SESN3: variants seen among roughly 807,000 people sequenced by gnomAD.
The protein encoded by SESN3 is sestrin 3, also known as sestrin-3.
Under a neutral mutation model 55.3 loss-of-function variants are expected in SESN3, and 21 were observed. The ratio of observed to expected loss-of-function variants is 0.38; its 90% CI spans 0.27 to 0.55. The LOEUF (loss-of-function observed/expected upper bound fraction) is 0.55. Ranked by LOEUF, SESN3 falls within the 20% of genes least tolerant of loss-of-function variation. The pLI, the probability that SESN3 is intolerant of heterozygous loss-of-function variation, is 0.76. For missense variants in SESN3, 408 were observed against 604.3 expected (o/e 0.68, Z 3.41); for synonymous variants, 181 against 203.1 (o/e 0.89, Z 0.93).
At position 95,230,844 on chromosome 11, in the gene SESN3, C is replaced by T. The variant is rs761423928; in HGVS notation, c.17G>A (p.Gly6Asp). Residue 6 changes from glycine to aspartate, a missense_variant, in exon 1 of 10, where the codon GGC becomes GAC. Gly to Asp is a moderately conservative substitution (Grantham distance 94, BLOSUM62 -1). Coordinates refer to ENST00000536441, the MANE Select transcript of SESN3 (RefSeq NM_144665.4). The surrounding 1 kb of genome is among the most constrained non-coding windows in gnomAD (Gnocchi z 4.6). ...GTAGTTGGCGGCGGCCGACGGGCTG[C>T]CGCCGCCCCGGTTCATCGTGGCTGC... MNRGG[G>D]SPSAAANYLL... 3 of 1,581,182 alleles carry T rather than the reference C, an allele frequency of 1.9e-6. No homozygotes were observed. The highest frequency in any genetic ancestry group is 4.8e-5 in the East Asian group (2 of 41,310).
intron 1 of SESN3, among the ~76,000 whole-genome samples, chr11:95,198,731 TAGCCACATGTCAAGTGTTTAAC>T (rs976259065): frequency 5.9e-5 from 9 of 152,194 alleles, no homozygotes; most frequent in African/African-American, 2.2e-4. Context: ...TCAATTGTAC[TAGCCACATGTCAAGTGTTTAAC>T]AGCCACATGT....
chr11:95,176,526 T>C lies in SESN3; in HGVS notation c.1248-884A>G, dbSNP rs575665459. The stretch of plus-strand genomic sequence containing the variant: ...AGAAATGGGATTTTGTGCATAAGTG[T>C]ATAGGAACATAGACAGTAATGACAG... On this transcript the variant is annotated intron_variant, in intron 8 of 9. Transcript: ENST00000536441. Among the ~76,000 whole-genome samples the C allele has an allele frequency of 5.3e-5, 8 of 152,226 alleles. No individual in the cohort carries two copies. In the South Asian group the frequency reaches 1.7e-3, roughly 32 times the overall value.
At chr11:95,210,392 T>C (rs1860632535) in intron 1 of SESN3, among the ~76,000 whole-genome samples, 1 of 152,162 alleles carries the variant, frequency 6.6e-6, no homozygotes, top group Non-Finnish European at 1.5e-5. Context: ...GCACTCTACC[T>C]TGAAAAAGAA....
At chr11:95,201,990 T>C (rs1405146065) in intron 1 of SESN3, among the ~76,000 whole-genome samples, 3 of 152,046 alleles carry the variant, frequency 2.0e-5, no homozygotes, top group Non-Finnish European at 4.4e-5. Flanking sequence ...ATGCTATCCA[T>C]ACTTCCCTTA....
intron 1 of SESN3, among the ~76,000 whole-genome samples, chr11:95,198,822 G>T (rs1264852140): frequency 2.6e-5 from 4 of 152,130 alleles, no homozygotes; most frequent in Non-Finnish European, 5.9e-5. Context: ...ATTGCCAAAA[G>T]TTCTATGGTA....
Position 95,209,447 on chromosome 11 carries a change from G to A in SESN3, c.79-15925C>T, listed in dbSNP as rs1161766647. On this transcript the variant is annotated intron_variant, in intron 1 of 9. Coordinates refer to ENST00000536441, the MANE Select transcript of SESN3 (RefSeq NM_144665.4). ...AAAATAGGAATGCTTTTACACTGTT[G>A]GTGGGAGTGTAAATTAGTTCATCTA... 8.6e-5 allele frequency among the ~76,000 whole-genome samples: 13 copies of A among 151,626 alleles called. 2 individuals are homozygous for A. The South Asian group carries it at 2.8e-3, about 32-fold the overall frequency.
At position 95,166,760 on chromosome 11, in the gene SESN3, A is replaced by G. The variant is rs1331503516; in HGVS notation, c.*6495T>C. On this transcript the variant is annotated 3_prime_UTR_variant, in exon 10 of 10. Transcript: ENST00000536441. ...ATGTGCCTATACTAGTAGCACTGAG[A>G]AGATGCCAAACTGGCTGTGGTTTGC... is the stretch of plus-strand genomic sequence containing the variant. The G allele has an allele frequency of 2.0e-5, 3 of 152,204 alleles. No individual in the cohort carries two copies. Among genetic ancestry groups the G allele is most frequent in the African/African-American group, 4.8e-5 (2 of 41,444 alleles). The allele number at this position is 152,204 out of a possible 1,614,324, so 9.4% of individuals were successfully genotyped here. A position where few individuals can be genotyped will look rare whatever the true frequency, so the allele number is the denominator to read the frequency against.
intron 1 of SESN3, among the ~76,000 whole-genome samples, chr11:95,197,417 CTCT>C (rs1450992649): frequency 1.3e-5 from 2 of 150,880 alleles, no homozygotes; most frequent in African/African-American, 4.9e-5. Context: ...CTGGGCAACT[CTCT>C]TCTTTTTGGG....
At chr11:95,198,345 CAAAA>C (rs199529391) in intron 1 of SESN3, among the ~76,000 whole-genome samples, 4 of 126,258 alleles carry the variant, frequency 3.2e-5, no homozygotes, top group Non-Finnish European at 1.7e-5. Context: ...TCCTCAATGT[CAAAA>C]AAAAAAAAAA....
intron 1 of SESN3, chr11:95,203,776 G>A (rs1156672892): frequency 6.6e-6 from 1 of 152,180 alleles, no homozygotes; most frequent in Non-Finnish European, 1.5e-5. Context: ...CCTCTTTATA[G>A]TCTTAAAAAT....
intron 1 of SESN3, among the ~76,000 whole-genome samples, chr11:95,224,689 T>C (rs1758919870): frequency 6.6e-6 from 1 of 152,210 alleles, no homozygotes; most frequent in Admixed American, 6.5e-5. Flanking sequence ...TGGTGACAGA[T>C]ACATATTTTC....
rs140288706 is a variant in SESN3, at chr11:95,226,458, T to C, written c.78+4325A>G. Among the ~76,000 whole-genome samples the C allele has an allele frequency of 2.9e-3, 440 of 152,312 alleles. 4 individuals carry two copies. Among genetic ancestry groups the C allele is most frequent in the African/African-American group, 9.8e-3 (407 of 41,570 alleles). On this transcript the variant is annotated intron_variant, in intron 1 of 9. Coordinates refer to ENST00000536441, the MANE Select transcript of SESN3 (RefSeq NM_144665.4). ...GAGTTGGGGGAAGCAGCAGAACACT[T>C]TTTACAAATTAAATCTTCTATTGAA...
intron 1 of SESN3, among the ~76,000 whole-genome samples, chr11:95,205,376 CT>C (rs1860529169): frequency 6.6e-6 from 1 of 151,786 alleles, no homozygotes; most frequent in African/African-American, 2.4e-5. Context: ...TAGTAGGCTA[CT>C]ATATTATGTA....
At chr11:95,204,773 T>C (rs1193973192) in intron 1 of SESN3, 1 of 152,208 alleles carries the variant, frequency 6.6e-6, no homozygotes, top group Admixed American at 6.5e-5. Context: ...ATATTCATTG[T>C]TTCTGCCACC....
At chr11:95,212,162 GTATTTAA>G (rs144943552) in intron 1 of SESN3, among the ~76,000 whole-genome samples, 148 of 152,064 alleles carry the variant, frequency 9.7e-4, no homozygotes, top group African/African-American at 3.4e-3. Context: ...ATAAGAACAA[GTATTTAA>G]TATTTAACTA....
At position 95,231,179 on chromosome 11, in the gene SESN3, A is replaced by G. The variant is rs10831321; in HGVS notation, c.-319T>C. The G allele has an allele frequency of 0.46, 134,286 of 291,362 alleles. 22,508 individuals carry two copies. Among genetic ancestry groups the G allele is most frequent in the East Asian group, 0.59 (12,036 of 20,380 alleles). The allele number at this position is 291,362 out of a possible 1,614,324, so 18.0% of individuals were successfully genotyped here. A position where few individuals can be genotyped will look rare whatever the true frequency, so the allele number is the denominator to read the frequency against. ...AGCCGCCACCGCTGCCACCGCCACC[A>G]CCGCCGCCGCAGCGCCTCAGTGCGG... is the stretch of plus-strand genomic sequence containing the variant. On this transcript the variant is annotated 5_prime_UTR_variant, in exon 1 of 10. Coordinates refer to ENST00000536441, the MANE Select transcript of SESN3 (RefSeq NM_144665.4).
rs1303274676 is a variant in SESN3, at chr11:95,172,633, T to C, written c.*622A>G. On this transcript the variant is annotated 3_prime_UTR_variant, in exon 10 of 10. Transcript: ENST00000536441. ...AATTATGGGCAATAGCTGTATCACA[T>C]TTCATGTTATCGCCAATAGCAGTAA... 1.3e-5 allele frequency: 2 copies of C among 152,216 alleles called. No homozygotes were observed. The highest frequency in any genetic ancestry group is 3.8e-4 in the East Asian group (2 of 5,204). The allele number at this position is 152,216 out of a possible 1,614,324, so 9.4% of individuals were successfully genotyped here.
chr11:95,167,828 C>T lies in SESN3; in HGVS notation c.*5427G>A, dbSNP rs570554016. 3.3e-5 allele frequency: 5 copies of T among 152,324 alleles called. No homozygotes were observed. The East Asian group carries it at 9.6e-4, about 29-fold the overall frequency. The allele number at this position is 152,324 out of a possible 1,614,324, so 9.4% of individuals were successfully genotyped here. A position where few individuals can be genotyped will look rare whatever the true frequency, so the allele number is the denominator to read the frequency against. ...TTACATTTATGAACAACCTCAAGTGCACCTAGCTGGAGAGAAGAACTATTA... is the reference window on the plus strand; with the variant it reads ...TTACATTTATGAACAACCTCAAGTGTACCTAGCTGGAGAGAAGAACTATTA... On this transcript the variant is annotated 3_prime_UTR_variant, in exon 10 of 10. Coordinates refer to ENST00000536441, the MANE Select transcript of SESN3 (RefSeq NM_144665.4).
intron 1 of SESN3, among the ~76,000 whole-genome samples, chr11:95,218,744 G>T (rs557532280): frequency 6.7e-6 from 1 of 149,238 alleles, no homozygotes; most frequent in African/African-American, 2.5e-5. Flanking sequence ...TCCGCCTCCC[G>T]GGTTCACGGC....
Sources: gnomAD v4.1 joint callset for allele counts (sites outside exome capture counted in the v4.1 genomes callset) on GRCh38, gnomAD v4.1.1 for gene constraint, Gnocchi (gnomAD v3.1) non-coding constraint, MANE v1.5 for transcripts, NCBI Gene and HGNC (gene_info 2026-07-23, HGNC 2026-07-21) for gene names.